CADM2: variants seen among roughly 807,000 people sequenced by gnomAD.
CADM2 encodes immunoglobulin superfamily member 4D.
Under a neutral mutation model 49.8 loss-of-function variants are expected in CADM2, and 12 were observed. The ratio of observed to expected loss-of-function variants is 0.24; its 90% CI spans 0.15 to 0.39. The LOEUF is 0.39. CADM2 is among the 10% of genes least tolerant of loss of function. The pLI, the probability that CADM2 is intolerant of heterozygous loss-of-function variation, is 1.00. For synonymous variants in CADM2, 214 were observed against 175.4 expected (o/e 1.22, Z -1.74); for missense variants, 378 against 492.3 (o/e 0.77, Z 2.20).
At chr3:85,976,108 A>T (rs886334421) in intron 8 of CADM2, among the ~76,000 whole-genome samples, 1 of 151,636 alleles carries the variant, frequency 6.6e-6, no homozygotes, top group Non-Finnish European at 1.5e-5. Flanking sequence ...GTATGTGTGC[A>T]TGTATATAAT....
At chr3:85,114,304 G>T (rs922102954) in intron 1 of CADM2, among the ~76,000 whole-genome samples, 4 of 152,100 alleles carry the variant, frequency 2.6e-5, no homozygotes, top group African/African-American at 9.7e-5. Context: ...TGTGGTGAAA[G>T]TAGGTGTGGA....
intron 1 of CADM2, among the ~76,000 whole-genome samples, chr3:85,015,087 G>C (rs1009225734): frequency 6.6e-6 from 1 of 151,834 alleles, no homozygotes; most frequent in Non-Finnish European, 1.5e-5. Flanking sequence ...GCCGTACATA[G>C]TATACATACA....
intron 1 of CADM2, among the ~76,000 whole-genome samples, chr3:85,165,671 A>C (rs2107675480): frequency 6.6e-6 from 1 of 152,000 alleles, no homozygotes. Flanking sequence ...CTGAAGACAC[A>C]GAGTTTATAT....
At chr3:85,674,540 T>C (rs906022306) in intron 1 of CADM2, among the ~76,000 whole-genome samples, 2 of 152,174 alleles carry the variant, frequency 1.3e-5, no homozygotes, top group Non-Finnish European at 2.9e-5. Flanking sequence ...GCTCTTTTCG[T>C]TTATTTTTGA....
chr3:85,884,519 G>C (rs1713276142), intron 4 of CADM2, among the ~76,000 whole-genome samples: 3 of 152,224 alleles, frequency 2.0e-5, no homozygotes, highest in South Asian at 4.1e-4. Flanking sequence ...GTTCTGTAGA[G>C]AGCCAATTTG....
chr3:85,086,238 C>T (rs996573148), intron 1 of CADM2, among the ~76,000 whole-genome samples: 16 of 151,972 alleles, frequency 1.1e-4, no homozygotes, highest in East Asian at 1.9e-4. Flanking sequence ...AATAAGAGTA[C>T]GTTAAATTTT....
At chr3:85,486,305 GAAC>G (rs2039413845) in intron 1 of CADM2, among the ~76,000 whole-genome samples, 1 of 134,104 alleles carries the variant, frequency 7.5e-6, no homozygotes, top group Non-Finnish European at 1.7e-5. Context: ...ATTTTAGGGG[GAAC>G]AATAGAAATA....
chr3:85,866,682 GA>G (rs141020393), intron 3 of CADM2, among the ~76,000 whole-genome samples: 3,029 of 151,658 alleles, frequency 0.02, 64 homozygotes, highest in East Asian at 0.046. Context: ...TTATGTATTT[GA>G]AAAAAATATA....
intron 1 of CADM2, among the ~76,000 whole-genome samples, chr3:85,501,718 C>CAT (rs2040123882): frequency 6.6e-6 from 1 of 152,014 alleles, no homozygotes; most frequent in Non-Finnish European, 1.5e-5. Context: ...TATATACGCA[C>CAT]ATATATATTT....
At chr3:86,031,297 C>T (rs748587416) in intron 8 of CADM2, among the ~76,000 whole-genome samples, 8 of 151,468 alleles carry the variant, frequency 5.3e-5, no homozygotes, top group Non-Finnish European at 1.0e-4. Context: ...AATTAGAACC[C>T]CAAGACAAGT....
intron 1 of CADM2, among the ~76,000 whole-genome samples, chr3:84,980,125 C>G (rs2032079773): frequency 6.6e-6 from 1 of 152,138 alleles, no homozygotes; most frequent in African/African-American, 2.4e-5. Flanking sequence ...TGGAGCAAAG[C>G]TAATGCATAG....
At chr3:85,607,642 C>A (rs149173109) in intron 1 of CADM2, among the ~76,000 whole-genome samples, 3 of 151,838 alleles carry the variant, frequency 2.0e-5, no homozygotes, top group African/African-American at 7.3e-5. Flanking sequence ...TATACACCTG[C>A]GTATTCAAAA....
intron 3 of CADM2, among the ~76,000 whole-genome samples, chr3:85,866,946 A>G (rs1269985501): frequency 6.6e-6 from 1 of 152,132 alleles, no homozygotes. Context: ...AGTGTGTGCA[A>G]TTTTTTAACA....
chr3:85,913,176 C>A (rs947116125), intron 6 of CADM2, among the ~76,000 whole-genome samples: 1 of 152,092 alleles, frequency 6.6e-6, no homozygotes, highest in Non-Finnish European at 1.5e-5. Flanking sequence ...AAGATACACA[C>A]AAGGATTCTG....
intron 1 of CADM2, among the ~76,000 whole-genome samples, chr3:85,661,300 A>C (rs2065394508): frequency 6.6e-6 from 1 of 152,130 alleles, no homozygotes; most frequent in Non-Finnish European, 1.5e-5. Context: ...TAGCTCAAGG[A>C]CTAGCTTCCT....
intron 1 of CADM2, among the ~76,000 whole-genome samples, chr3:85,654,119 T>G (rs780608238): frequency 6.6e-6 from 1 of 152,172 alleles, no homozygotes; most frequent in Non-Finnish European, 1.5e-5. Context: ...AATTGATGAC[T>G]GGTTGACTAG....
chr3:85,696,514 C>T (rs893987312), intron 1 of CADM2, among the ~76,000 whole-genome samples: 2 of 151,842 alleles, frequency 1.3e-5, no homozygotes, highest in African/African-American at 2.4e-5. Context: ...GACCATTTAT[C>T]GAATAGGATT....
chr3:85,370,890 G>T (rs2033178551), intron 1 of CADM2, among the ~76,000 whole-genome samples: 1 of 152,000 alleles, frequency 6.6e-6, no homozygotes, highest in Non-Finnish European at 1.5e-5. Context: ...CAGAGAACTG[G>T]GCTAACGTGT....
chr3:85,898,958 T>TATATATATATATATATAA (rs60434493), intron 5 of CADM2, among the ~76,000 whole-genome samples: 1 of 45,852 alleles, frequency 2.2e-5, no homozygotes, highest in East Asian at 7.9e-4. Context: ...TATATATATT[T>TATATATATATATATATAA]TTTTTTTTTT....
Sources: allele counts gnomAD v4.1 joint callset (sites outside exome capture counted in the v4.1 genomes callset), GRCh38; gene constraint gnomAD v4.1.1; transcripts MANE v1.5; gene names NCBI Gene and HGNC (gene_info 2026-07-23, HGNC 2026-07-21).